The following IQSEC1 variants were observed in gnomAD, a reference collection of about 807,000 sequenced individuals.
The protein encoded by IQSEC1 is IQ motif and Sec7 domain ArfGEF 1, also known as IQ motif and SEC7 domain-containing protein 1.
Under a neutral mutation model 91.0 loss-of-function variants are expected in IQSEC1, and 31 were observed. The observed-to-expected ratio is 0.34, with a 90% CI of 0.26 to 0.46. The LOEUF is 0.46. Ranked by LOEUF, IQSEC1 falls within the 20% of genes least tolerant of loss-of-function variation. The probability of loss-of-function intolerance (pLI) is 1.00; values close to 1 mark genes in which losing one functional copy is unlikely to be tolerated. For missense variants in IQSEC1, 1,388 were observed against 1,575.6 expected (o/e 0.88, Z 2.02); for synonymous variants, 699 against 662.6 (o/e 1.05, Z -0.84).
intron 7 of IQSEC1, 85 bp downstream of exon 7, chr3:12,915,509 G>T: frequency 6.9e-7 from 1 of 1,442,248 alleles, no homozygotes; most frequent in South Asian, 1.2e-5. Flanking sequence ...CACACGGAGT[G>T]GGGTGGGTGG....
upstream of IQSEC1, among the ~76,000 whole-genome samples, chr3:13,075,198 C>T (rs1184080624): frequency 6.6e-6 from 1 of 152,168 alleles, no homozygotes; most frequent in Admixed American, 6.5e-5. Flanking sequence ...TTAATAACAT[C>T]AAAATTCAGC....
intron 1 of IQSEC1, among the ~76,000 whole-genome samples, chr3:12,998,109 G>A (rs1313474329): frequency 6.6e-6 from 1 of 152,190 alleles, no homozygotes; most frequent in Non-Finnish European, 1.5e-5. Context: ...CAGCACTTTG[G>A]GAGGCCAAGG....
At position 12,900,776 on chromosome 3, in the gene IQSEC1, A is replaced by C; in HGVS notation, c.*207T>G. ...CCTCAGACTGAGGTGAGCAGAGCCC[A>C]GGGTGCCAACAAGAAATGAAATCTG... On this transcript the variant is annotated 3_prime_UTR_variant, in exon 14 of 14. Coordinates refer to ENST00000613206, the MANE Select transcript of IQSEC1 (RefSeq NM_001134382.3). 6.9e-7 allele frequency: 1 copy of C among 1,443,800 alleles called. No homozygotes were observed. The highest frequency in any genetic ancestry group is 9.1e-7 in the Non-Finnish European group (1 of 1,103,252). The allele number at this position is 1,443,800 out of a possible 1,614,324, so 89.4% of individuals were successfully genotyped here. A position where few individuals can be genotyped will look rare whatever the true frequency, so the allele number is the denominator to read the frequency against.
chr3:13,025,547 C>A (rs1419897823), intron 1 of IQSEC1, among the ~76,000 whole-genome samples: 6 of 152,178 alleles, frequency 3.9e-5, no homozygotes, highest in Non-Finnish European at 8.8e-5. Flanking sequence ...TAGTGAGGGT[C>A]AGTGAGCCTC....
intron 2 of IQSEC1, among the ~76,000 whole-genome samples, chr3:13,144,353 C>G (rs1427349848): frequency 6.6e-6 from 1 of 152,328 alleles, no homozygotes; most frequent in Non-Finnish European, 1.5e-5. Context: ...GTCACCGCCA[C>G]GTGGCTGTCA....
At chr3:13,013,356 CTGGAGTT>C (rs2124926096) in intron 1 of IQSEC1, among the ~76,000 whole-genome samples, 1 of 152,324 alleles carries the variant, frequency 6.6e-6, no homozygotes, top group Admixed American at 6.5e-5. Flanking sequence ...CCAGAAGCCA[CTGGAGTT>C]ACACTGGTTG....
chr3:13,045,579 G>C (rs1704463834), intron 1 of IQSEC1, among the ~76,000 whole-genome samples: 1 of 152,222 alleles, frequency 6.6e-6, no homozygotes, highest in Admixed American at 6.5e-5. Context: ...TGAGACCCAA[G>C]TGGGCAGGAG....
At chr3:13,224,894 C>T (rs917833611) in intron 1 of IQSEC1, among the ~76,000 whole-genome samples, 8 of 152,246 alleles carry the variant, frequency 5.3e-5, no homozygotes, top group Admixed American at 1.3e-4. Flanking sequence ...ATCAGCAAAG[C>T]ATACCGGATG....
chr3:13,008,831 G>A lies in IQSEC1; in HGVS notation c.23+64161C>T, dbSNP rs1422076633. Among the ~76,000 whole-genome samples, 1 of 152,236 alleles carries A rather than the reference G, an allele frequency of 6.6e-6. No individual in the cohort carries two copies. The highest frequency in any genetic ancestry group is 1.5e-5 in the Non-Finnish European group (1 of 68,042). ...GAGGAGGGGATATCCAGCTAACCCA[G>A]TGGGAACCAGACACGCTGGCAAACC... On this transcript the variant is annotated intron_variant, in intron 1 of 13. Transcript: ENST00000613206. The surrounding 1 kb of genome is among the most constrained non-coding windows in gnomAD (Gnocchi z 4.1).
In IQSEC1 at chr3:13,085,784, G is replaced by A. The variant is rs139747586; in HGVS notation, c.303-38262C>T. Among the ~76,000 whole-genome samples, 91 of 152,354 alleles carry A rather than the reference G, an allele frequency of 6.0e-4. No individual in the cohort carries two copies. The Middle Eastern group carries it at 0.027, about 46-fold the overall frequency. On this transcript the variant is annotated intron_variant, in intron 2 of 15. Coordinates refer to the IQSEC1 transcript ENST00000648114. ...CTTGGACTTCCGTCTGAGACTCGTC[G>A]CTGGCCTGAGGGGCATGTGGTTATC... is the stretch of plus-strand genomic sequence containing the variant.
At chr3:12,914,178 C>T (rs1695844969) in intron 8 of IQSEC1, among the ~76,000 whole-genome samples, 1 of 152,238 alleles carries the variant, frequency 6.6e-6, no homozygotes, top group Admixed American at 6.5e-5. Context: ...GCCCTGGACC[C>T]GTCCTCTGCT....
chr3:12,985,490 T>C (rs1417715658), intron 1 of IQSEC1, among the ~76,000 whole-genome samples: 14 of 143,780 alleles, frequency 9.7e-5, no homozygotes, highest in African/African-American at 3.1e-4. Context: ...TGCTTAACAA[T>C]CCCCCCCCCC....
intron 1 of IQSEC1, among the ~76,000 whole-genome samples, chr3:12,996,217 T>A (rs550499239): frequency 6.6e-6 from 1 of 152,308 alleles, no homozygotes; most frequent in African/African-American, 2.4e-5. Flanking sequence ...TGCTTGTAGT[T>A]TTAATATTTA....
intron 1 of IQSEC1, among the ~76,000 whole-genome samples, chr3:13,254,775 C>T (rs1180931208): frequency 6.6e-6 from 1 of 152,212 alleles, no homozygotes; most frequent in Non-Finnish European, 1.5e-5. Context: ...GGAGGGCTCT[C>T]CACAGCTCAG....
chr3:13,279,340 T>C (rs930139070), intron 1 of IQSEC1, among the ~76,000 whole-genome samples: 2 of 152,180 alleles, frequency 1.3e-5, no homozygotes, highest in Non-Finnish European at 2.9e-5. Flanking sequence ...GGTAAAAGCA[T>C]AGCCAAATAA....
intron 1 of IQSEC1, among the ~76,000 whole-genome samples, chr3:13,055,999 C>T (rs773729077): frequency 9.9e-5 from 15 of 151,854 alleles, no homozygotes; most frequent in Non-Finnish European, 2.1e-4. Flanking sequence ...TCTTCTGTGA[C>T]CCCCAAAGGC....
At chr3:13,101,529 T>C (rs1372599529) in intron 2 of IQSEC1, among the ~76,000 whole-genome samples, 2 of 151,936 alleles carry the variant, frequency 1.3e-5, no homozygotes, top group Non-Finnish European at 2.9e-5. Flanking sequence ...GGTGCCTGGC[T>C]AGATGGTGGG....
chr3:13,006,243 G>A (rs899470751), intron 1 of IQSEC1, among the ~76,000 whole-genome samples: 2 of 152,232 alleles, frequency 1.3e-5, no homozygotes, highest in Non-Finnish European at 2.9e-5. Context: ...AGGAGAAGGT[G>A]GCAGAGGTGA....
intron 1 of IQSEC1, among the ~76,000 whole-genome samples, chr3:13,276,080 CTTTTTTTTTTTTT>C (rs796663192): frequency 0.023 from 1,841 of 79,564 alleles, 69 homozygotes; most frequent in African/African-American, 0.071. Context: ...CAAAAGCATT[CTTTTTTTTTTTTT>C]TTTTTTTTTT....
Sources: allele counts gnomAD v4.1 joint callset (sites outside exome capture counted in the v4.1 genomes callset), GRCh38; gene constraint gnomAD v4.1.1; non-coding constraint Gnocchi (gnomAD v3.1); transcripts MANE v1.5; gene names NCBI Gene and HGNC (gene_info 2026-07-23, HGNC 2026-07-21).